CELF6: variants seen among roughly 807,000 people sequenced by gnomAD.
The protein encoded by CELF6 is CUGBP Elav-like family member 6, also known as Bruno -like 6, RNA binding protein.
In CELF6, 32 loss-of-function variants were observed where a neutral mutation model predicts 53.1. The observed-to-expected ratio is 0.60, with a 90% CI of 0.46 to 0.81. The LOEUF (loss-of-function observed/expected upper bound fraction) is 0.81. CELF6 is among the 30% of genes least tolerant of loss of function. The pLI, the probability that CELF6 is intolerant of heterozygous loss-of-function variation, is 0.00. For missense variants in CELF6, 539 were observed against 669.5 expected, an observed-to-expected ratio of 0.81 and a Z score of 2.15; for synonymous variants, 291 against 288.8, an observed-to-expected ratio of 1.01 and a Z score of -0.08.
At chr15:72,304,622 G>A in intron 3 of CELF6, 124 bp downstream of exon 3, 2 of 826,084 alleles carry the variant, frequency 2.4e-6, no homozygotes, top group East Asian at 2.6e-5. Context: ...CAGCAACTCT[G>A]AGCCCCACCT....
intron 3 of CELF6, among the ~76,000 whole-genome samples, chr15:72,291,573 CAT>C (rs557931656): frequency 5.3e-4 from 80 of 152,264 alleles, no homozygotes; most frequent in African/African-American, 1.7e-3. Context: ...AGTGGGGGGT[CAT>C]AGACTGAAGC....
At chr15:72,317,190 A>G (rs889153498) in intron 1 of CELF6, among the ~76,000 whole-genome samples, 1 of 152,168 alleles carries the variant, frequency 6.6e-6, no homozygotes, top group Non-Finnish European at 1.5e-5. Context: ...CCTAAGAGCA[A>G]TAGAGAGCCA....
At position 72,302,652 on chromosome 15, in the gene CELF6, C is replaced by T. The variant is rs538002162; in HGVS notation, c.394+2094G>A. Among the ~76,000 whole-genome samples, 380 of 152,318 alleles carry T rather than the reference C, an allele frequency of 2.5e-3. 8 individuals are homozygous for T. In the South Asian group the frequency reaches 0.028, roughly 11 times the overall value. On this transcript the variant is annotated intron_variant, in intron 3 of 12. Transcript: ENST00000287202. ...CTTTGTGCGGCTGCCCAAACACTGA[C>T]AAGATGTAGTGGACTCCATACAGCA...
At chr15:72,287,948 CT>C (rs962847202) in intron 11 of CELF6, among the ~76,000 whole-genome samples, 4 of 152,116 alleles carry the variant, frequency 2.6e-5, no homozygotes, top group Non-Finnish European at 5.9e-5. Context: ...AGAAATTCTC[CT>C]GCCTCAGCCT....
At chr15:72,312,380 A>C (rs2088307826) in intron 2 of CELF6, among the ~76,000 whole-genome samples, 1 of 152,232 alleles carries the variant, frequency 6.6e-6, no homozygotes, top group Admixed American at 6.5e-5. Context: ...TAATCCTAGC[A>C]CTTTGAGAGG....
At chr15:72,296,371 T>C (rs545532018) in intron 3 of CELF6, among the ~76,000 whole-genome samples, 16 of 152,158 alleles carry the variant, frequency 1.1e-4, no homozygotes, top group Non-Finnish European at 1.9e-4. Context: ...AATAAATAAA[T>C]TGGACTGACT....
intron 3 of CELF6, among the ~76,000 whole-genome samples, chr15:72,293,477 G>A (rs928061775): frequency 2.0e-5 from 3 of 152,196 alleles, no homozygotes; most frequent in African/African-American, 7.2e-5. Flanking sequence ...CAAGAGGCAA[G>A]TCAGAAATGT....
At chr15:72,306,972 A>G (rs180934211) in intron 2 of CELF6, among the ~76,000 whole-genome samples, 1 of 151,990 alleles carries the variant, frequency 6.6e-6, no homozygotes, top group Non-Finnish European at 1.5e-5. Context: ...TGGAGAGGGG[A>G]AGGAAATGAG....
intron 12 of CELF6, 90 bp downstream of exon 12, chr15:72,287,147 G>T: frequency 2.5e-6 from 3 of 1,217,638 alleles, no homozygotes; most frequent in Non-Finnish European, 2.3e-6. Context: ...TCAGAGGTGG[G>T]TGCCTCCAAG....
Position 72,288,351 on chromosome 15 carries a change from A to C in CELF6, c.1275T>G (p.Ala425=), listed in dbSNP as rs1163186132. ...TFLPFGAVVS[A]KVFVDRATNQ... is the part of the protein sequence containing the mutation. ...TGGTGGCTCGATCCACAAAGACTTT[A>C]GCAGAGACAACGGCTCCAAAGGGCA... Residue 425 remains alanine (A), a synonymous_variant, in exon 11 of 13, where the codon GCT becomes GCG. Coordinates refer to ENST00000287202, the MANE Select transcript of CELF6 (RefSeq NM_052840.5). This position sits in a 1 kb window ranked among gnomAD's most constrained non-coding sequence, Gnocchi z 4.6. 1.2e-6 allele frequency: 2 copies of C among 1,614,176 alleles called. No homozygotes were observed. The highest frequency in any genetic ancestry group is 2.2e-5 in the South Asian group (2 of 91,076).
rs374945909 is a variant in CELF6, at chr15:72,288,874, A to G, written c.1087T>C (p.Tyr363His). The change falls in exon 9 of 13, where the codon TAC (tyrosine) becomes CAC (histidine). Residue 363 changes from tyrosine (Y) to histidine (H), a missense_variant. Around this residue, in one of 3 missense-constraint regions of CELF6, gnomAD observed 358 missense variants for 412.8 expected, o/e 0.87. Coordinates refer to ENST00000287202, the MANE Select transcript of CELF6 (RefSeq NM_052840.5). The surrounding 1 kb of genome is among the most constrained non-coding windows in gnomAD (Gnocchi z 4.6). ...LQQAYAGMHH[Y>H]AAAYPSAYAP... ...GCGTAGCGCCAAGTGAAACCTGCGT[A>G]GTGGTGCATCCCAGCGTAGGCCTGC... 23 of 1,550,896 alleles carry G rather than the reference A, an allele frequency of 1.5e-5. No individual in the cohort carries two copies. The African/African-American group carries it at 3.1e-4, about 21-fold the overall frequency.
chr15:72,300,627 A>C (rs1242871986), intron 3 of CELF6, among the ~76,000 whole-genome samples: 1 of 152,224 alleles, frequency 6.6e-6, no homozygotes, highest in African/African-American at 2.4e-5. Context: ...TGTGGTCAGC[A>C]GTTCAAGACC....
At chr15:72,298,558 A>G (rs1477894709) in intron 3 of CELF6, among the ~76,000 whole-genome samples, 1 of 152,260 alleles carries the variant, frequency 6.6e-6, no homozygotes, top group East Asian at 1.9e-4. Context: ...TCTTGGATAC[A>G]TGAATATTTG....
chr15:72,306,206 G>C, intron 2 of CELF6: 1 of 979,704 alleles, frequency 1.0e-6, no homozygotes, highest in Non-Finnish European at 1.2e-6. Flanking sequence ...TTTGTAAACT[G>C]CCAAGAGCTG....
At position 72,289,861 on chromosome 15, in the gene CELF6, G is replaced by C; in HGVS notation, c.603+78C>G. ...CTTTCCCATCAGGTCCTTTCGCGGG[G>C]CACCGAGCACACTCGGGGAGGAGAA... On this transcript the variant is annotated intron_variant, in intron 5 of 12. Coordinates refer to ENST00000287202, the MANE Select transcript of CELF6 (RefSeq NM_052840.5). The surrounding 1 kb of genome is among the most constrained non-coding windows in gnomAD (Gnocchi z 7.6). The C allele has an allele frequency of 6.6e-7, 1 of 1,507,750 alleles. No homozygotes were observed. Among genetic ancestry groups the C allele is most frequent in the South Asian group, 1.2e-5 (1 of 80,644 alleles). 93.4% of individuals were successfully genotyped at this position (1,507,750 alleles called of 1,614,324 possible).
intron 11 of CELF6, 89 bp from the exon 12 acceptor site, chr15:72,287,481 G>A (rs1757092675): frequency 1.5e-5 from 22 of 1,486,152 alleles, no homozygotes; most frequent in South Asian, 2.4e-5. Flanking sequence ...TTCCAGCCCC[G>A]TCAGGCCAGT....
intron 3 of CELF6, among the ~76,000 whole-genome samples, chr15:72,300,802 C>T (rs994432489): frequency 1.3e-5 from 2 of 151,804 alleles, no homozygotes; most frequent in African/African-American, 2.4e-5. Context: ...CCACTGTACT[C>T]CAGCCTGGGC....
In CELF6 at chr15:72,288,436, T is replaced by A. The variant is rs774435292; in HGVS notation, c.1190A>T (p.Asn397Ile). The stretch of plus-strand genomic sequence containing the variant: ...CTGAGGCAGGTGATAGATGAAGAGG[T>A]TACAGCCTTCGGGGCCTGGAGGAAC... ...QQQREGPEGC[N>I]LFIYHLPQEF... The change falls in exon 11 of 13, where the codon AAC (asparagine) becomes ATC (isoleucine). Residue 397 changes from asparagine to isoleucine, a missense_variant. Transcript: ENST00000287202. This position sits in a 1 kb window ranked among gnomAD's most constrained non-coding sequence, Gnocchi z 4.6. 6.2e-7 allele frequency: 1 copy of A among 1,614,086 alleles called. No homozygotes were observed. The highest frequency in any genetic ancestry group is 1.7e-5 in the Admixed American group (1 of 60,020).
rs776476089 is a variant in CELF6 at position 72,288,395 on chromosome 15, C to T, written c.1231G>A (p.Glu411Lys). The change falls in exon 11 of 13, where the codon GAA becomes AAA. Residue 411 changes from glutamate to lysine, a missense_variant. Around this residue, in one of 3 missense-constraint regions of CELF6, gnomAD observed 358 missense variants for 412.8 expected, o/e 0.87. Coordinates refer to ENST00000287202, the MANE Select transcript of CELF6 (RefSeq NM_052840.5). The surrounding 1 kb of genome is among the most constrained non-coding windows in gnomAD (Gnocchi z 4.6). ...AAGGGCAGGAATGTCTGTATGAGTT[C>T]CGCATCACCAAACTCCTGAGGCAGG... ...YHLPQEFGDA[E>K]LIQTFLPFGA... is the part of the protein sequence containing the mutation. The T allele has an allele frequency of 6.2e-7, 1 of 1,614,140 alleles. No homozygotes were observed. Among genetic ancestry groups the T allele is most frequent in the Admixed American group, 1.7e-5 (1 of 60,032 alleles).
Sources: gnomAD v4.1 joint callset for allele counts (sites outside exome capture counted in the v4.1 genomes callset) on GRCh38, gnomAD v4.1.1 for gene constraint, gnomAD v4.1.1 regional missense constraint, Gnocchi (gnomAD v3.1) non-coding constraint, MANE v1.5 for transcripts, NCBI Gene and HGNC (gene_info 2026-07-23, HGNC 2026-07-21) for gene names.